The following MAST3 variants were observed in gnomAD, a reference collection of about 807,000 sequenced individuals.
MAST3 encodes microtubule associated serine/threonine kinase 3, also known as microtubule-associated serine/threonine-protein kinase 3.
Under a neutral mutation model 127.0 loss-of-function variants are expected in MAST3, and 43 were observed. The observed-to-expected ratio is 0.34, with a 90% CI of 0.27 to 0.44. The LOEUF is 0.44. Ranked by LOEUF, MAST3 falls within the 20% of genes least tolerant of loss-of-function variation. The probability of loss-of-function intolerance (pLI) is 1.00; values close to 1 mark genes in which losing one functional copy is unlikely to be tolerated. For synonymous variants in MAST3, 785 were observed against 809.2 expected, an observed-to-expected ratio of 0.97 and a Z score of 0.51; for missense variants, 1,390 against 1,919.1, an observed-to-expected ratio of 0.72 and a Z score of 5.15.
chr19:18,118,153 A>G (rs2039516982), intron 3 of MAST3: 1 of 985,154 alleles, frequency 1.0e-6, no homozygotes, highest in Non-Finnish European at 1.2e-6. Flanking sequence ...GCGGCGGCAC[A>G]AAGGGAAGCA....
intron 20 of MAST3, among the ~76,000 whole-genome samples, chr19:18,140,955 G>A (rs201382584): frequency 6.6e-5 from 10 of 151,510 alleles, no homozygotes; most frequent in African/African-American, 1.2e-4. Context: ...CACCACACCC[G>A]GCTAATTTTT....
intron 21 of MAST3, 128 bp downstream of exon 21, chr19:18,142,143 T>C: frequency 9.6e-7 from 1 of 1,046,216 alleles, no homozygotes; most frequent in Non-Finnish European, 1.2e-6. Flanking sequence ...TTGACCAGCC[T>C]ATCAGGTCCC....
intron 1 of MAST3, among the ~76,000 whole-genome samples, chr19:18,102,701 T>C (rs1277223203): frequency 6.6e-6 from 1 of 152,100 alleles, no homozygotes; most frequent in Non-Finnish European, 1.5e-5. Context: ...AGGCTGATCT[T>C]GAACTCCTGA....
Position 18,144,438 on chromosome 19 carries a change from C to G in MAST3, c.2585-28C>G. On this transcript the variant is annotated intron_variant, in intron 22 of 27. Coordinates refer to ENST00000687212, the MANE Select transcript of MAST3 (RefSeq NM_001393504.1). This position sits in a 1 kb window ranked among gnomAD's most constrained non-coding sequence, Gnocchi z 4.0. ...AGGACCACATGGTGAGTTTGAGGGG[C>G]ACCCAGCTGACCCTGCTGACCCTCT... 2 of 1,532,954 alleles carry G rather than the reference C, an allele frequency of 1.3e-6. No individual in the cohort carries two copies. Among genetic ancestry groups the G allele is most frequent in the Non-Finnish European group, 1.8e-6 (2 of 1,136,826 alleles). The allele number at this position is 1,532,954 out of a possible 1,614,324, so 95.0% of individuals were successfully genotyped here.
At chr19:18,113,934 G>A (rs1049192475) in intron 3 of MAST3, among the ~76,000 whole-genome samples, 9 of 152,286 alleles carry the variant, frequency 5.9e-5, no homozygotes, top group East Asian at 3.9e-4. Context: ...CCATCTCCCC[G>A]TCGCTCACTT....
At chr19:18,113,103 G>T (rs59167271) in intron 3 of MAST3, among the ~76,000 whole-genome samples, 1 of 152,230 alleles carries the variant, frequency 6.6e-6, no homozygotes, top group Admixed American at 6.5e-5. Context: ...TTTTAACTGG[G>T]AGGGGAGGGA....
chr19:18,130,470 G>GC (rs772232971), intron 13 of MAST3, 24 bp from the exon 14 acceptor site: 1 of 1,571,456 alleles, frequency 6.4e-7, no homozygotes, highest in African/African-American at 1.4e-5. Context: ...TCCGGTCCCA[G>GC]CAAGCCTGGC....
intron 20 of MAST3, among the ~76,000 whole-genome samples, chr19:18,141,017 C>T (rs2042413362): frequency 6.6e-6 from 1 of 152,086 alleles, no homozygotes; most frequent in Admixed American, 6.6e-5. Context: ...TGGTCTCAAA[C>T]TCCTGTCCTC....
chr19:18,111,922 C>T (rs957283506), intron 3 of MAST3, among the ~76,000 whole-genome samples: 1 of 152,206 alleles, frequency 6.6e-6, no homozygotes, highest in African/African-American at 2.4e-5. Flanking sequence ...TTATGAGGCA[C>T]CTACTGAGAT....
intron 3 of MAST3, among the ~76,000 whole-genome samples, chr19:18,120,022 G>A (rs1011504304): frequency 1.3e-5 from 2 of 152,296 alleles, no homozygotes; most frequent in African/African-American, 4.8e-5. Context: ...GCGGGGGACG[G>A]TGTCGCTCCC....
chr19:18,145,869 C>T lies in MAST3; in HGVS notation c.3162+4C>T, dbSNP rs1310609690. 10 of 1,586,430 alleles carry T rather than the reference C, an allele frequency of 6.3e-6. No homozygotes were observed. The highest frequency in any genetic ancestry group is 2.4e-5 in the East Asian group (1 of 42,366). On this transcript the variant is annotated splice_donor_region_variant and intron_variant, in intron 25 of 27. Transcript: ENST00000687212. The surrounding 1 kb of genome is among the most constrained non-coding windows in gnomAD (Gnocchi z 5.9). ...CGTCGTGGAGCTGCTGCTGAAGGTG[C>T]GGCACCCCCACTGCCCACCCTCAGG...
intron 1 of MAST3, among the ~76,000 whole-genome samples, chr19:18,102,155 C>T (rs1229078293): frequency 2.6e-5 from 4 of 151,970 alleles, no homozygotes; most frequent in East Asian, 3.9e-4. Flanking sequence ...GCTGAGATTA[C>T]AGGTGTTAGC....
chr19:18,121,648 G>A (rs375620411), intron 3 of MAST3, 37 bp from the exon 4 acceptor site: 69 of 1,587,596 alleles, frequency 4.3e-5, no homozygotes, highest in Non-Finnish European at 5.9e-5. Context: ...GCGGGGCCCT[G>A]GGCAGCCACC....
intron 1 of MAST3, among the ~76,000 whole-genome samples, chr19:18,105,536 T>TAA (rs35808767): frequency 8.8e-4 from 114 of 129,512 alleles, no homozygotes; most frequent in Admixed American, 2.3e-3. Context: ...CTGTCTCTTC[T>TAA]AAAAAAAAAA....
chr19:18,106,863 G>A (rs548464838), intron 1 of MAST3, among the ~76,000 whole-genome samples: 25 of 150,908 alleles, frequency 1.7e-4, no homozygotes, highest in Middle Eastern at 3.4e-3. Flanking sequence ...GAGCCACTGC[G>A]CCTGACCGGC....
In MAST3 at chr19:18,110,889, C is replaced by A; in HGVS notation, c.161+148C>A. The A allele has an allele frequency of 5.3e-6, 1 of 187,072 alleles. No individual in the cohort carries two copies. Among genetic ancestry groups the A allele is most frequent in the Non-Finnish European group, 1.0e-5 (1 of 99,502 alleles). 11.6% of individuals were successfully genotyped at this position (187,072 alleles called of 1,614,324 possible). ...CTCAGTTTACCCCTCCACATAATGG[C>A]ACTGCGATACGTTCTAGGGGCTTAA... On this transcript the variant is annotated intron_variant, in intron 3 of 27. Coordinates refer to ENST00000687212, the MANE Select transcript of MAST3 (RefSeq NM_001393504.1). This position sits in a 1 kb window ranked among gnomAD's most constrained non-coding sequence, Gnocchi z 4.3.
intron 3 of MAST3, among the ~76,000 whole-genome samples, chr19:18,119,206 C>G (rs932895835): frequency 6.6e-6 from 1 of 152,122 alleles, no homozygotes; most frequent in Non-Finnish European, 1.5e-5. Context: ...CACATTTGGC[C>G]GTGTTTTCAA....
intron 11 of MAST3, among the ~76,000 whole-genome samples, chr19:18,127,041 A>G (rs1440578369): frequency 3.2e-4 from 49 of 151,614 alleles, no homozygotes; most frequent in Non-Finnish European, 6.3e-4. Context: ...CTGCCTCCCA[A>G]AGTGCTGGGA....
At chr19:18,132,598 C>T (rs1599814582) in intron 15 of MAST3, among the ~76,000 whole-genome samples, 1 of 152,294 alleles carries the variant, frequency 6.6e-6, no homozygotes, top group East Asian at 1.9e-4. Flanking sequence ...AGGTGGTAAG[C>T]ACCTACTGCA....
Sources: allele counts gnomAD v4.1 joint callset (sites outside exome capture counted in the v4.1 genomes callset), GRCh38; gene constraint gnomAD v4.1.1; non-coding constraint Gnocchi (gnomAD v3.1); transcripts MANE v1.5; gene names NCBI Gene and HGNC (gene_info 2026-07-23, HGNC 2026-07-21).